PRR14: variants seen among roughly 807,000 people sequenced by gnomAD.
PRR14 encodes proline-rich protein 14.
In PRR14, 33 loss-of-function variants were observed where a neutral mutation model predicts 57.2. The ratio of observed to expected loss-of-function variants is 0.58; its 90% CI spans 0.44 to 0.77. PRR14 has a LOEUF of 0.77. Among genes scored for constraint, PRR14 ranks in the 30% least tolerant of loss-of-function variants. The pLI, the probability that PRR14 is intolerant of heterozygous loss-of-function variation, is 0.00. For missense variants in PRR14, 716 were observed against 788.1 expected, an observed-to-expected ratio of 0.91 and a Z score of 1.10; for synonymous variants, 303 against 314.7, an observed-to-expected ratio of 0.96 and a Z score of 0.39.
At position 30,655,400 on chromosome 16, in the gene PRR14, C is replaced by T. The variant is rs766937778; in HGVS notation, c.1294C>T (p.Leu432Phe). The change falls in exon 9 of 12, where the codon CTT becomes TTT. Residue 432 changes from leucine to phenylalanine, a missense_variant. Physicochemically the swap from Leu to Phe is conservative, Grantham distance 22. Transcript: ENST00000300835. The surrounding 1 kb of genome is among the most constrained non-coding windows in gnomAD (Gnocchi z 4.6). ...GCCAAGAGCCTCAAAGGACCAGGTG[C>T]TTTCAGAACCTGAGACCAAGGTAGG... ...KEPRASKDQV[L>F]SEPETKTMGK... is the part of the protein sequence containing the mutation. The T allele has an allele frequency of 6.2e-7, 1 of 1,614,114 alleles. No individual in the cohort carries two copies. The highest frequency in any genetic ancestry group is 8.5e-7 in the Non-Finnish European group (1 of 1,180,020).
intron 7 of PRR14, 101 bp downstream of exon 7, chr16:30,654,440 C>T: frequency 9.3e-7 from 1 of 1,073,282 alleles, no homozygotes; most frequent in Non-Finnish European, 1.4e-6. Flanking sequence ...GCTTAAGCCA[C>T]CTCCCAGGGC....
Position 30,651,790 on chromosome 16 carries a change from C to T in PRR14, c.24-6C>T. ...GCGACCGTCCTCTGCTTCTTTCACC[C>T]TCCAGCCCGCCTGGCCAGCCGCGTC... On this transcript the variant is annotated splice_region_variant and splice_polypyrimidine_tract_variant and intron_variant, in intron 2 of 11. Transcript: ENST00000300835. This position sits in a 1 kb window ranked among gnomAD's most constrained non-coding sequence, Gnocchi z 5.0. 2 of 1,606,748 alleles carry T rather than the reference C, an allele frequency of 1.2e-6. No individual in the cohort carries two copies. Among genetic ancestry groups the T allele is most frequent in the South Asian group, 2.2e-5 (2 of 91,076 alleles).
Position 30,652,757 on chromosome 16 carries a change from C to T in PRR14, c.229C>T (p.Gln77Ter). 1 of 1,614,244 alleles carries T rather than the reference C, an allele frequency of 6.2e-7. No homozygotes were observed. The highest frequency in any genetic ancestry group is 8.5e-7 in the Non-Finnish European group (1 of 1,180,046). ...VVPSKQTSIP[Q>*]HHSYHQDPVH... is the part of the protein sequence containing the mutation. ...GCCCTCAAAGCAGACCTCCATACCA[C>T]AGCACCACAGCTACCATCAGGATCC... Residue 77 changes from glutamine to a stop codon, truncating the protein, a stop_gained, in exon 4 of 12, where the codon CAG becomes TAG. Transcript: ENST00000300835. LOFTEE classifies it high-confidence loss of function.
At position 30,655,151 on chromosome 16, in the gene PRR14, C is replaced by T. The variant is rs1567539575; in HGVS notation, c.1181C>T (p.Pro394Leu). 1.2e-6 allele frequency: 2 copies of T among 1,608,436 alleles called. No individual in the cohort carries two copies. Among genetic ancestry groups the T allele is most frequent in the East Asian group, 2.2e-5 (1 of 44,798 alleles). ...CCTCTCGGAGGAGTGGGAGCCTCCC[C>T]TTCTCTCACCACATCTTGCTCGTCC... ...VFPLGGVGAS[P>L]SLTTSCSSTA... Residue 394 changes from proline to leucine, a missense_variant, in exon 8 of 12, where the codon CCT (proline) becomes CTT (leucine). Coordinates refer to ENST00000300835, the MANE Select transcript of PRR14 (RefSeq NM_024031.5). This position sits in a 1 kb window ranked among gnomAD's most constrained non-coding sequence, Gnocchi z 4.6.
At position 30,654,782 on chromosome 16, in the gene PRR14, CACAGCCCCCA is replaced by C; in HGVS notation, c.813_822del (p.Gln272ProfsTer6). ...ATCTTCCTCACGCCCAACAAAACCCCACAGCCCCCACCCCCGTCCCCCCCAATGAAGCTGG... is the reference window on the plus strand; with the variant it reads ...ATCTTCCTCACGCCCAACAAAACCCCCCCCCGTCCCCCCCAATGAAGCTGG... On this transcript the variant is annotated frameshift_variant, in exon 8 of 12. Coordinates refer to ENST00000300835, the MANE Select transcript of PRR14 (RefSeq NM_024031.5). LOFTEE classifies it high-confidence loss of function. 1 of 1,601,112 alleles carries C rather than the reference CACAGCCCCCA, an allele frequency of 6.2e-7. No homozygotes were observed. The highest frequency in any genetic ancestry group is 8.5e-7 in the Non-Finnish European group (1 of 1,170,128).
chr16:30,653,471 G>C (rs1398218329), intron 6 of PRR14, 63 bp downstream of exon 6: 13 of 1,517,358 alleles, frequency 8.6e-6, no homozygotes, highest in African/African-American at 1.4e-5. Flanking sequence ...CAGGTAGCCA[G>C]AGCTAGGGGC....
Position 30,654,224 on chromosome 16 carries a change from C to A in PRR14, c.549-6C>A. 1.1e-5 allele frequency: 17 copies of A among 1,611,842 alleles called. No individual in the cohort carries two copies. The highest frequency in any genetic ancestry group is 1.4e-5 in the Non-Finnish European group (17 of 1,177,952). On this transcript the variant is annotated splice_region_variant and splice_polypyrimidine_tract_variant and intron_variant, in intron 6 of 11. Coordinates refer to ENST00000300835, the MANE Select transcript of PRR14 (RefSeq NM_024031.5). ...CCCCTAGCCTTTACCTTGCCCTTCACCCCAGAGCTGAGCCCATGAGGATAG... is the reference window on the plus strand; with the variant it reads ...CCCCTAGCCTTTACCTTGCCCTTCAACCCAGAGCTGAGCCCATGAGGATAG...
In PRR14 at chr16:30,656,395, G is replaced by A; in HGVS notation, c.*84G>A. ...TTTTTTTCTCTATATTTCTAGTAAA[G>A]TTTTCGATATGTTTCTGATTCTTTT... On this transcript the variant is annotated 3_prime_UTR_variant, in exon 12 of 12. Coordinates refer to ENST00000300835, the MANE Select transcript of PRR14 (RefSeq NM_024031.5). The A allele has an allele frequency of 7.7e-7, 1 of 1,301,892 alleles. No individual in the cohort carries two copies. Among genetic ancestry groups the A allele is most frequent in the Non-Finnish European group, 1.0e-6 (1 of 962,564 alleles). 80.6% of individuals were successfully genotyped at this position (1,301,892 alleles called of 1,614,324 possible).
upstream of PRR14, chr16:30,650,899 C>T (rs2052304355): frequency 2.4e-6 from 1 of 420,494 alleles, no homozygotes; most frequent in East Asian, 7.3e-5. Flanking sequence ...GGTCCCGGGC[C>T]GGGGGAGACC....
Position 30,655,742 on chromosome 16 carries a change from G to A in PRR14, c.1407-126G>A. 7.6e-7 allele frequency: 1 copy of A among 1,316,154 alleles called. No homozygotes were observed. The highest frequency in any genetic ancestry group is 1.1e-6 in the Non-Finnish European group (1 of 912,904). 81.5% of individuals were successfully genotyped at this position (1,316,154 alleles called of 1,614,324 possible). On this transcript the variant is annotated intron_variant, in intron 10 of 11. Coordinates refer to ENST00000300835, the MANE Select transcript of PRR14 (RefSeq NM_024031.5). This position sits in a 1 kb window ranked among gnomAD's most constrained non-coding sequence, Gnocchi z 4.6. ...GGATGGTTTGTGCTCAAAATTGCCT[G>A]TCTGCCTTATGTAGCACTCCTGGCC... is the stretch of plus-strand genomic sequence containing the variant.
chr16:30,654,792 ACCCCCGTCCCCC>A lies in PRR14; in HGVS notation c.825_836del (p.Pro276_Pro279del). ...CGCCCAACAAAACCCCACAGCCCCC[ACCCCCGTCCCCC>A]CCAATGAAGCTGGAGTTGAAGATCG... is the stretch of plus-strand genomic sequence containing the variant. On this transcript the variant is annotated inframe_deletion, in exon 8 of 12. Coordinates refer to ENST00000300835, the MANE Select transcript of PRR14 (RefSeq NM_024031.5). 2.2e-6 allele frequency: 1 copy of A among 462,450 alleles called. No individual in the cohort carries two copies. Among genetic ancestry groups the A allele is most frequent in the Non-Finnish European group, 3.5e-6 (1 of 285,632 alleles). The allele number at this position is 462,450 out of a possible 1,614,324, so 28.6% of individuals were successfully genotyped here.
chr16:30,656,063 G>A lies in PRR14; in HGVS notation c.1510G>A (p.Glu504Lys). ...TGAGACCATCTTTGAGGAACCCCGGGAGCGCAATGGGACTCTGATTTTCAC... is the reference window on the plus strand; with the variant it reads ...TGAGACCATCTTTGAGGAACCCCGGAAGCGCAATGGGACTCTGATTTTCAC... ...TFETIFEEPR[E>K]RNGTLIFTSS... Residue 504 changes from glutamate (E) to lysine (K), a missense_variant, in exon 12 of 12, where the codon GAG (glutamate) becomes AAG (lysine). Physicochemically the swap from Glu to Lys is moderately conservative, Grantham distance 56. Transcript: ENST00000300835. 6.4e-7 allele frequency: 1 copy of A among 1,553,200 alleles called. No homozygotes were observed. Among genetic ancestry groups the A allele is most frequent in the Admixed American group, 2.0e-5 (1 of 50,544 alleles).
intron 7 of PRR14, 79 bp downstream of exon 7, chr16:30,654,418 G>A: frequency 7.9e-7 from 1 of 1,272,364 alleles, no homozygotes. Context: ...CAGGTACAGA[G>A]TTGGGGATAG....
Position 30,654,229 on chromosome 16 carries a change from G to C in PRR14, c.549-1G>C. On this transcript the variant is annotated splice_acceptor_variant, in intron 6 of 11. Transcript: ENST00000300835. LOFTEE classifies it high-confidence loss of function. ...AGCCTTTACCTTGCCCTTCACCCCA[G>C]AGCTGAGCCCATGAGGATAGTTCGC... 1 of 1,613,388 alleles carries C rather than the reference G, an allele frequency of 6.2e-7. No homozygotes were observed. The highest frequency in any genetic ancestry group is 8.5e-7 in the Non-Finnish European group (1 of 1,179,458).
At position 30,655,412 on chromosome 16, in the gene PRR14, G is replaced by A. The variant is rs752214896; in HGVS notation, c.1306G>A (p.Glu436Lys). 6.2e-7 allele frequency: 1 copy of A among 1,614,184 alleles called. No homozygotes were observed. The highest frequency in any genetic ancestry group is 8.5e-7 in the Non-Finnish European group (1 of 1,180,036). ...AAAGGACCAGGTGCTTTCAGAACCT[G>A]AGACCAAGGTAGGCATTCAGATCGG... is the stretch of plus-strand genomic sequence containing the variant. The part of the protein sequence containing the change: ...ASKDQVLSEP[E>K]TKTMGKVSRF... Residue 436 changes from glutamate to lysine, a missense_variant, in exon 9 of 12, where the codon GAG becomes AAG. Glu to Lys is a moderately conservative substitution (Grantham distance 56). Transcript: ENST00000300835. This position sits in a 1 kb window ranked among gnomAD's most constrained non-coding sequence, Gnocchi z 4.6.
chr16:30,653,025 A>T lies in PRR14; in HGVS notation c.426A>T (p.Ser142=). The change falls in exon 5 of 12, where the codon TCA becomes TCT. Residue 142 remains serine, a synonymous_variant. Transcript: ENST00000300835. ...RTTPGPEEGP[S]QKVDRAPQPT... ...CCCCTGGCCCAGAGGAGGGCCCTTC[A>T]CAAAAGGTGGACCGGGCCCCCCAGC... 6.2e-7 allele frequency: 1 copy of T among 1,613,982 alleles called. No individual in the cohort carries two copies. Among genetic ancestry groups the T allele is most frequent in the Non-Finnish European group, 8.5e-7 (1 of 1,179,968 alleles).
In PRR14 at chr16:30,651,738, A is replaced by G; in HGVS notation, c.24-58A>G. ...TGGGGATCCTGGCGACCGTGCCGGG[A>G]AACTACAGAGCCAGCGACAGGTTCG... On this transcript the variant is annotated intron_variant, in intron 2 of 11. Transcript: ENST00000300835. This position sits in a 1 kb window ranked among gnomAD's most constrained non-coding sequence, Gnocchi z 5.0. The G allele has an allele frequency of 1.2e-6, 2 of 1,611,580 alleles. No homozygotes were observed. Among genetic ancestry groups the G allele is most frequent in the Non-Finnish European group, 8.5e-7 (1 of 1,179,684 alleles).
Position 30,655,994 on chromosome 16 carries a change from A to G in PRR14, c.1479-38A>G. On this transcript the variant is annotated intron_variant, in intron 11 of 11. Coordinates refer to ENST00000300835, the MANE Select transcript of PRR14 (RefSeq NM_024031.5). This position sits in a 1 kb window ranked among gnomAD's most constrained non-coding sequence, Gnocchi z 4.6. ...AGAGGGAAATCTGGAGCTGTGGAGC[A>G]CCCTGATAAAACCAGCTCCTCTCCC... The G allele has an allele frequency of 6.3e-7, 1 of 1,599,908 alleles. No homozygotes were observed. Among genetic ancestry groups the G allele is most frequent in the Non-Finnish European group, 8.5e-7 (1 of 1,172,924 alleles).
rs145669264 is a variant in PRR14 at position 30,656,200 on chromosome 16, T to C, written c.1647T>C (p.Asn549=). The change falls in exon 12 of 12, where the codon AAT becomes AAC. Residue 549 remains asparagine, a synonymous_variant. Coordinates refer to ENST00000300835, the MANE Select transcript of PRR14 (RefSeq NM_024031.5). The stretch of plus-strand genomic sequence containing the variant: ...CAGGGGGCAGGACTGTTCCTCCCAA[T>C]GTGGCCCCCAGCCCTGATGTGGGCC... ...RAAGGRTVPP[N]VAPSPDVGPL... 3,545 of 1,612,262 alleles carry C rather than the reference T, an allele frequency of 2.2e-3. 7 individuals are homozygous for C. Among genetic ancestry groups the C allele is most frequent in the Non-Finnish European group, 2.7e-3 (3,238 of 1,179,420 alleles).
Sources: allele counts gnomAD v4.1 joint callset, GRCh38; gene constraint gnomAD v4.1.1; non-coding constraint Gnocchi (gnomAD v3.1); transcripts MANE v1.5; gene names NCBI Gene and HGNC (gene_info 2026-07-23, HGNC 2026-07-21).